PUF60: variants seen among roughly 807,000 people sequenced by gnomAD.
PUF60 encodes the protein poly(U) binding splicing factor 60.
PUF60 carries 10 observed loss-of-function variants against 61.8 expected under a neutral mutation model. The ratio of observed to expected loss-of-function variants is 0.16; its 90% CI spans 0.10 to 0.27. The LOEUF (loss-of-function observed/expected upper bound fraction) is 0.27, where lower values mean the gene tolerates loss of function less well. PUF60 is among the 10% of genes least tolerant of loss of function. The probability of loss-of-function intolerance (pLI) is 1.00; values close to 1 mark genes in which losing one functional copy is unlikely to be tolerated. For missense variants in PUF60, 371 were observed against 754.0 expected (o/e 0.49, Z 5.95); for synonymous variants, 353 against 300.9 (o/e 1.17, Z -1.79).
At chr8:143,824,260 G>GGGCGGGCGGGCA (rs879700627) in intron 2 of PUF60, 53 bp downstream of exon 2, 7 of 1,497,468 alleles carry the variant, frequency 4.7e-6, no homozygotes, top group Non-Finnish European at 5.4e-6. Flanking sequence ...GCAGGCGGGC[G>GGGCGGGCGGGCA]GGCGGGCGGG....
In PUF60 at chr8:143,824,352, C is replaced by T. The variant is rs773453873; in HGVS notation, c.72G>A (p.Ala24=). ...QGGGSEPAAA[A]AVVAAGDKWK... ...ATTTGTCTCCCGCTGCCACCACTGC[C>T]GCCGCCGCCGCCGGCTCGGACCCCC... Residue 24 remains alanine, a synonymous_variant, in exon 2 of 12, where the codon GCG becomes GCA. Coordinates refer to ENST00000526683, the MANE Select transcript of PUF60 (RefSeq NM_078480.3). 2.5e-5 allele frequency: 40 copies of T among 1,606,684 alleles called. No individual in the cohort carries two copies. The South Asian group carries it at 2.5e-4, about 10-fold the overall frequency.
At position 143,816,708 on chromosome 8, in the gene PUF60, T is replaced by C. The variant is rs1816331409; in HGVS notation, c.1492A>G (p.Ile498Val). Residue 498 changes from isoleucine to valine, a missense_variant, in exon 12 of 12, where the codon ATC becomes GTC. Ile to Val is a conservative substitution (Grantham distance 29, BLOSUM62 3). Coordinates refer to ENST00000526683, the MANE Select transcript of PUF60 (RefSeq NM_078480.3). Reference protein sequence around the residue: ...GKFGAVNRVIIYQEKQGEEED... With the variant: ...GKFGAVNRVIVYQEKQGEEED... ...TCCTCGCCTTGTTTCTCTTGGTAGA[T>C]GATGACGCGGTTCACGGCCCCGAAC... 6.2e-7 allele frequency: 1 copy of C among 1,613,858 alleles called. No homozygotes were observed. The highest frequency in any genetic ancestry group is 8.5e-7 in the Non-Finnish European group (1 of 1,179,886).
intron 2 of PUF60, 25 bp from the exon 3 acceptor site, chr8:143,821,938 T>C: frequency 3.2e-6 from 5 of 1,547,658 alleles, no homozygotes; most frequent in Non-Finnish European, 4.4e-6. Context: ...GGGGAATCCA[T>C]CAGCAGCAAG....
At chr8:143,819,984 A>T (rs1816828179) in intron 5 of PUF60, among the ~76,000 whole-genome samples, 1 of 152,170 alleles carries the variant, frequency 6.6e-6, no homozygotes. Flanking sequence ...CTCCCAGAGA[A>T]GGGTCCACAT....
chr8:143,829,050 G>C, intron 1 of PUF60: 1 of 1,014,008 alleles, frequency 9.9e-7, no homozygotes, highest in South Asian at 4.5e-5. Flanking sequence ...CCAGGCCCCC[G>C]CCCCGCCCCG....
intron 2 of PUF60, chr8:143,822,499 C>A (rs1330080018): frequency 2.2e-6 from 1 of 456,652 alleles, no homozygotes; most frequent in South Asian, 1.5e-5. Flanking sequence ...CCAGAGAACA[C>A]AGGCCTCTCT....
At chr8:143,819,509 C>T (rs548835482) in intron 5 of PUF60, among the ~76,000 whole-genome samples, 1 of 152,310 alleles carries the variant, frequency 6.6e-6, no homozygotes, top group East Asian at 1.9e-4. Context: ...TGGCCAGAGA[C>T]CAGTTTCCCT....
rs1293973902 is a variant in PUF60 at position 143,818,338 on chromosome 8, G to A, written c.510+35C>T. The A allele has an allele frequency of 1.4e-5, 23 of 1,609,360 alleles. No homozygotes were observed. The highest frequency in any genetic ancestry group is 1.6e-4 in the Middle Eastern group (1 of 6,070). Reference sequence around the variant, plus strand: ...TGCGCGAGCCCAGGGGTGGGGGCGAGCCCGAAGTGGCCGGGGCGGACCAAG... The same window carrying A: ...TGCGCGAGCCCAGGGGTGGGGGCGAACCCGAAGTGGCCGGGGCGGACCAAG... On this transcript the variant is annotated intron_variant, in intron 6 of 11. Coordinates refer to ENST00000526683, the MANE Select transcript of PUF60 (RefSeq NM_078480.3). This position sits in a 1 kb window ranked among gnomAD's most constrained non-coding sequence, Gnocchi z 7.9.
intron 5 of PUF60, among the ~76,000 whole-genome samples, chr8:143,819,528 A>G (rs1271069490): frequency 1.3e-5 from 2 of 152,114 alleles, no homozygotes; most frequent in African/African-American, 4.8e-5. Context: ...CTCTTTAGAC[A>G]TCAGCTGGCC....
chr8:143,818,667 G>T lies in PUF60; in HGVS notation c.349-133C>A. ...CTCCCCACATGACAGGGAGGTGCGG[G>T]CTCCATCCCTGCAGTCATAGTGTGG... On this transcript the variant is annotated intron_variant, in intron 5 of 11. Transcript: ENST00000526683. This position sits in a 1 kb window ranked among gnomAD's most constrained non-coding sequence, Gnocchi z 7.9. 1 of 962,892 alleles carries T rather than the reference G, an allele frequency of 1.0e-6. No homozygotes were observed. Among genetic ancestry groups the T allele is most frequent in the Non-Finnish European group, 1.5e-6 (1 of 667,370 alleles). The allele number at this position is 962,892 out of a possible 1,614,324, so 59.6% of individuals were successfully genotyped here.
Position 143,817,989 on chromosome 8 carries a change from C to T in PUF60, c.690G>A (p.Val230=), listed in dbSNP as rs754016623. The change falls in exon 8 of 12, where the codon GTG becomes GTA. Residue 230 remains valine, a synonymous_variant. Coordinates refer to ENST00000526683, the MANE Select transcript of PUF60 (RefSeq NM_078480.3). The surrounding 1 kb of genome is among the most constrained non-coding windows in gnomAD (Gnocchi z 7.4). Reference sequence around the variant, plus strand: ...CTGAGAGGTCCTGGTGCACAGAGGCCACGTAGATGCGGTTGAAGGCCCGTG... The same window carrying T: ...CTGAGAGGTCCTGGTGCACAGAGGCTACGTAGATGCGGTTGAAGGCCCGTG... ...EEARAFNRIY[V]ASVHQDLSDD... is the part of the protein sequence containing the mutation. 3 of 1,612,918 alleles carry T rather than the reference C, an allele frequency of 1.9e-6. No homozygotes were observed. The highest frequency in any genetic ancestry group is 2.2e-5 in the South Asian group (2 of 91,072).
Position 143,817,545 on chromosome 8 carries a change from G to C in PUF60, c.1008+47C>G, listed in dbSNP as rs755487575. The C allele has an allele frequency of 2.5e-6, 4 of 1,608,422 alleles. No individual in the cohort carries two copies. In the African/African-American group the frequency reaches 5.3e-5, roughly 21 times the overall value. On this transcript the variant is annotated intron_variant, in intron 9 of 11. Transcript: ENST00000526683. This position sits in a 1 kb window ranked among gnomAD's most constrained non-coding sequence, Gnocchi z 7.4. Reference sequence around the variant, plus strand: ...CCTTGAATCAGTCTCCAAGGAATCAGGGGCCAGCCCGCCCACCCTCAAGCC... The same window carrying C: ...CCTTGAATCAGTCTCCAAGGAATCACGGGCCAGCCCGCCCACCCTCAAGCC...
At chr8:143,822,341 A>T in intron 2 of PUF60, 1 of 366,180 alleles carries the variant, frequency 2.7e-6, no homozygotes, top group Middle Eastern at 3.9e-4. Context: ...CCTTGCTCCC[A>T]GGCTCCTCCA....
Position 143,817,909 on chromosome 8 carries a change from A to G in PUF60, c.770T>C (p.Leu257Pro). ...CTTGCCAGTTGTGGGGTCCCGGGCC[A>G]GTGTGCAGGACTTGATCTTGCCAAA... ...EAFGKIKSCT[L>P]ARDPTTGKHK... is the part of the protein sequence containing the mutation. Residue 257 changes from leucine (L) to proline (P), a missense_variant, in exon 8 of 12, where the codon CTG becomes CCG. Coordinates refer to ENST00000526683, the MANE Select transcript of PUF60 (RefSeq NM_078480.3). The surrounding 1 kb of genome is among the most constrained non-coding windows in gnomAD (Gnocchi z 7.4). 6.2e-7 allele frequency: 1 copy of G among 1,612,854 alleles called. No individual in the cohort carries two copies. The highest frequency in any genetic ancestry group is 8.5e-7 in the Non-Finnish European group (1 of 1,179,824).
At position 143,817,116 on chromosome 8, in the gene PUF60, C is replaced by G. The variant is rs1363567371; in HGVS notation, c.1174G>C (p.Val392Leu). 1 of 1,609,538 alleles carries G rather than the reference C, an allele frequency of 6.2e-7. No homozygotes were observed. Among genetic ancestry groups the G allele is most frequent in the East Asian group, 2.2e-5 (1 of 44,772 alleles). Residue 392 changes from valine (V) to leucine (L), a missense_variant, in exon 11 of 12, where the codon GTC becomes CTC. Around this residue, in one of 13 missense-constraint regions of PUF60, gnomAD observed 68 missense variants for 69.4 expected, o/e 0.98. Transcript: ENST00000526683. This position sits in a 1 kb window ranked among gnomAD's most constrained non-coding sequence, Gnocchi z 7.4. ...ACCACTCCCACCGAGGGGATGGTGA[C>G]CGGGATAGGAGGACGGGCTGGGGTC... ...GVTPARPPIPVTIPSVGVVNP... is the reference protein window; with the variant it reads ...GVTPARPPIPLTIPSVGVVNP...
intron 1 of PUF60, among the ~76,000 whole-genome samples, chr8:143,828,111 G>A (rs1817845185): frequency 2.0e-5 from 3 of 152,218 alleles, no homozygotes; most frequent in East Asian, 1.9e-4. Context: ...GAGTTAGCCA[G>A]TCCTGTGAAT....
At chr8:143,820,773 C>A in intron 4 of PUF60, 57 bp from the exon 5 acceptor site, 1 of 1,505,482 alleles carries the variant, frequency 6.6e-7, no homozygotes, top group South Asian at 1.1e-5. Context: ...CTCCCGCTCT[C>A]GTCAACACCT....
chr8:143,823,822 G>GA (rs1563837501), intron 2 of PUF60, among the ~76,000 whole-genome samples: 1 of 152,212 alleles, frequency 6.6e-6, no homozygotes, highest in South Asian at 2.1e-4. Context: ...GCCTGGGGCC[G>GA]AAAAAAGATG....
At position 143,821,888 on chromosome 8, in the gene PUF60, T is replaced by C. The variant is rs1451251368; in HGVS notation, c.137A>G (p.Asn46Ser). 8.1e-6 allele frequency: 13 copies of C among 1,607,150 alleles called. No homozygotes were observed. Among genetic ancestry groups the C allele is most frequent in the Non-Finnish European group, 1.1e-5 (13 of 1,178,232 alleles). Residue 46 changes from asparagine to serine, a missense_variant, in exon 3 of 12, where the codon AAC becomes AGC. Transcript: ENST00000526683. ...CAGCTTGGCGGCTGTGCTCTGCCCGTTCTCCATCTTGATGGAGTCTGTGCC... is the reference window on the plus strand; with the variant it reads ...CAGCTTGGCGGCTGTGCTCTGCCCGCTCTCCATCTTGATGGAGTCTGTGCC... ...PQGTDSIKME[N>S]GQSTAAKLGL...
Sources: allele counts gnomAD v4.1 joint callset (sites outside exome capture counted in the v4.1 genomes callset), GRCh38; gene constraint gnomAD v4.1.1; regional missense constraint gnomAD v4.1.1; non-coding constraint Gnocchi (gnomAD v3.1); transcripts MANE v1.5; gene names NCBI Gene and HGNC (gene_info 2026-07-23, HGNC 2026-07-21).